Variants in ZRANB3 observed in about 807,000 individuals in gnomAD.
ZRANB3 encodes DNA annealing helicase and endonuclease ZRANB3.
A neutral mutation model predicts 133.8 loss-of-function variants in ZRANB3; 125 were observed. That is an observed-to-expected ratio of 0.93 (90% CI 0.81 to 1.08). The LOEUF (loss-of-function observed/expected upper bound fraction) is 1.08, where lower values mean the gene tolerates loss of function less well. ZRANB3 is among the 50% of genes least tolerant of loss of function. The pLI is 0.00. For missense variants in ZRANB3, 1,229 were observed against 1,275.5 expected (o/e 0.96, Z 0.56); for synonymous variants, 387 against 432.7 (o/e 0.89, Z 1.31).
chr2:135,296,286 C>CT (rs1302504896), intron 8 of ZRANB3, among the ~76,000 whole-genome samples: 2 of 152,134 alleles, frequency 1.3e-5, no homozygotes, highest in Non-Finnish European at 2.9e-5. Context: ...TCTTTTTATT[C>CT]TTTTTTCTCT....
intron 2 of ZRANB3, among the ~76,000 whole-genome samples, chr2:135,428,545 A>G (rs956308960): frequency 2.0e-5 from 3 of 152,192 alleles, no homozygotes; most frequent in Non-Finnish European, 2.9e-5. Flanking sequence ...AAAAGAAATA[A>G]TCAACAGACT....
intron 2 of ZRANB3, among the ~76,000 whole-genome samples, chr2:135,431,649 T>C (rs1230777990): frequency 6.6e-6 from 1 of 152,110 alleles, no homozygotes; most frequent in Non-Finnish European, 1.5e-5. Flanking sequence ...GGCAAAAGAT[T>C]TGAGCAAATG....
intron 3 of ZRANB3, among the ~76,000 whole-genome samples, chr2:135,381,063 C>T (rs1574005923): frequency 6.6e-6 from 1 of 152,228 alleles, no homozygotes; most frequent in Admixed American, 6.5e-5. Flanking sequence ...CATCACCTCA[C>T]CTGGAAGCGT....
At chr2:135,442,256 G>A (rs1223691476) in intron 2 of ZRANB3, among the ~76,000 whole-genome samples, 1 of 152,080 alleles carries the variant, frequency 6.6e-6, no homozygotes, top group Non-Finnish European at 1.5e-5. Context: ...GAGTGAACAG[G>A]CAACCTACAG....
chr2:135,324,768 G>A (rs1683727924), intron 6 of ZRANB3, among the ~76,000 whole-genome samples: 3 of 152,004 alleles, frequency 2.0e-5, no homozygotes, highest in South Asian at 2.1e-4. Context: ...TTTAATGATC[G>A]CCATTCTAAC....
At chr2:135,234,380 A>G (rs1001304195) in intron 12 of ZRANB3, among the ~76,000 whole-genome samples, 1 of 152,220 alleles carries the variant, frequency 6.6e-6, no homozygotes, top group Non-Finnish European at 1.5e-5. Flanking sequence ...CACTAGACAG[A>G]TCTACGAGAC....
intron 6 of ZRANB3, among the ~76,000 whole-genome samples, chr2:135,336,671 TCA>T (rs1684385641): frequency 6.6e-6 from 1 of 152,186 alleles, no homozygotes; most frequent in African/African-American, 2.4e-5. Flanking sequence ...ATAAAGCATT[TCA>T]CAGAGATGAA....
At chr2:135,264,822 C>T (rs1018458772) in intron 12 of ZRANB3, among the ~76,000 whole-genome samples, 2 of 151,652 alleles carry the variant, frequency 1.3e-5, no homozygotes, top group African/African-American at 2.4e-5. Flanking sequence ...TCTCAGCTCA[C>T]GGGAACCTCT....
intron 3 of ZRANB3, among the ~76,000 whole-genome samples, chr2:135,379,116 G>T (rs1300904497): frequency 6.6e-6 from 1 of 152,094 alleles, no homozygotes; most frequent in African/African-American, 2.4e-5. Flanking sequence ...GGGAAACTGG[G>T]TGTGGGGTAT....
chr2:135,307,434 C>G (rs763073578), intron 8 of ZRANB3, among the ~76,000 whole-genome samples: 1 of 152,156 alleles, frequency 6.6e-6, no homozygotes, highest in Non-Finnish European at 1.5e-5. Flanking sequence ...CTATTTCTAG[C>G]ATTTCCATTT....
chr2:135,390,315 C>T (rs1435424870), intron 3 of ZRANB3, among the ~76,000 whole-genome samples: 1 of 152,056 alleles, frequency 6.6e-6, no homozygotes, highest in African/African-American at 2.4e-5. Flanking sequence ...TAACAAGAGC[C>T]TCCATTTCAG....
intron 1 of ZRANB3, among the ~76,000 whole-genome samples, chr2:135,528,235 A>T (rs1234651628): frequency 6.6e-6 from 1 of 150,662 alleles, no homozygotes; most frequent in Admixed American, 6.6e-5. Flanking sequence ...TGCAGCTTTG[A>T]CCTCCTGGGC....
At chr2:135,371,495 T>C (rs1183245234) in intron 3 of ZRANB3, among the ~76,000 whole-genome samples, 3 of 152,186 alleles carry the variant, frequency 2.0e-5, no homozygotes, top group African/African-American at 4.8e-5. Flanking sequence ...ATTTCGAATT[T>C]TGTCTAAGAC....
chr2:135,521,618 A>T (rs962020167), intron 1 of ZRANB3, among the ~76,000 whole-genome samples: 2 of 152,212 alleles, frequency 1.3e-5, no homozygotes, highest in South Asian at 2.1e-4. Flanking sequence ...GTGCCATTGT[A>T]GCCTCACATC....
At chr2:135,417,390 G>A in intron 2 of ZRANB3, among the ~76,000 whole-genome samples, 1 of 151,922 alleles carries the variant, frequency 6.6e-6, no homozygotes, top group East Asian at 1.9e-4. Context: ...TCAGAGAAAT[G>A]CAAATCAAAA....
chr2:135,302,648 C>T (rs561997457), intron 8 of ZRANB3, among the ~76,000 whole-genome samples: 26 of 151,938 alleles, frequency 1.7e-4, no homozygotes, highest in Non-Finnish European at 3.5e-4. Context: ...GCCTCAACCT[C>T]CCAAGTACCT....
At chr2:135,472,122 C>G (rs770280841) in intron 2 of ZRANB3, among the ~76,000 whole-genome samples, 3 of 152,192 alleles carry the variant, frequency 2.0e-5, no homozygotes, top group Non-Finnish European at 4.4e-5. Flanking sequence ...TAATTTAAAA[C>G]AAAACATACT....
At chr2:135,349,882 G>A in intron 5 of ZRANB3, 102 bp downstream of exon 5, 1 of 810,334 alleles carries the variant, frequency 1.2e-6, no homozygotes, top group East Asian at 2.6e-5. Context: ...AGCATTTAAG[G>A]CATCTAATTT....
In ZRANB3 at chr2:135,207,840, C is replaced by CCA; in HGVS notation, c.2607-5_2607-4insTG. Reference sequence around the variant, plus strand: ...GGCTCCATCTTCAAGAAGTTTTCTACAATTGATAAAAACACTGAATAGGTA... The same window carrying CCA: ...GGCTCCATCTTCAAGAAGTTTTCTACCAAATTGATAAAAACACTGAATAGGTA... On this transcript the variant is annotated splice_region_variant and splice_polypyrimidine_tract_variant and intron_variant, in intron 18 of 20. Transcript: ENST00000264159. 6.3e-7 allele frequency: 1 copy of CCA among 1,586,138 alleles called. No individual in the cohort carries two copies. Among genetic ancestry groups the CCA allele is most frequent in the Non-Finnish European group, 8.6e-7 (1 of 1,161,062 alleles).
Sources: gnomAD v4.1 joint callset for allele counts (sites outside exome capture counted in the v4.1 genomes callset) on GRCh38, gnomAD v4.1.1 for gene constraint, MANE v1.5 for transcripts, NCBI Gene and HGNC (gene_info 2026-07-23, HGNC 2026-07-21) for gene names.